Variants in SQOR observed in about 807,000 individuals in gnomAD.
SQOR encodes sulfide quinone oxidoreductase.
SQOR carries 39 observed loss-of-function variants against 48.6 expected under a neutral mutation model. That is an observed-to-expected ratio of 0.80 (90% CI 0.62 to 1.05). The LOEUF (loss-of-function observed/expected upper bound fraction) is 1.05. Among genes scored for constraint, SQOR ranks in the 50% least tolerant of loss-of-function variants. The probability of loss-of-function intolerance (pLI) is 0.00; values close to 1 mark genes in which losing one functional copy is unlikely to be tolerated. For missense variants in SQOR, 561 were observed against 559.9 expected, an observed-to-expected ratio of 1.00 and a Z score of -0.02; for synonymous variants, 220 against 206.2, an observed-to-expected ratio of 1.07 and a Z score of -0.57.
rs143395697 is a variant in SQOR at position 45,682,498 on chromosome 15, A to T, written c.885A>T (p.Thr295=). The change falls in exon 7 of 10, where the codon ACA becomes ACT. Residue 295 remains threonine (T), a synonymous_variant. Transcript: ENST00000260324. The part of the protein sequence containing the change: ...QVISYEMLHV[T]PPMSPPDVLK... Reference sequence around the variant, plus strand: ...TGTAGTATGAAATGCTTCATGTCACACCTCCAATGAGCCCACCAGATGTCC... The same window carrying T: ...TGTAGTATGAAATGCTTCATGTCACTCCTCCAATGAGCCCACCAGATGTCC... 14 of 1,614,078 alleles carry T rather than the reference A, an allele frequency of 8.7e-6. No homozygotes were observed. In the African/African-American group the frequency reaches 1.6e-4, roughly 18 times the overall value.
rs551364879 is a variant in SQOR, at chr15:45,659,038, G to A, written c.115G>A (p.Ala39Thr). 42 of 1,600,996 alleles carry A rather than the reference G, an allele frequency of 2.6e-5. 1 individual carries two copies. In the East Asian group the frequency reaches 9.5e-4, roughly 36 times the overall value. The part of the protein sequence containing the change: ...PLQLHTGASH[A>T]ARNHYEVLVL... Reference sequence around the variant, plus strand: ...TCAGCTGCACACCGGGGCCAGCCATGCGGCCAGGAACCATTATGAGGTGCT... The same window carrying A: ...TCAGCTGCACACCGGGGCCAGCCATACGGCCAGGAACCATTATGAGGTGCT... Residue 39 changes from alanine (A) to threonine (T), a missense_variant, in exon 2 of 10, where the codon GCG (alanine) becomes ACG (threonine). Coordinates refer to ENST00000260324, the MANE Select transcript of SQOR (RefSeq NM_021199.4).
At chr15:45,652,503 C>G (rs1014133450) in intron 1 of SQOR, among the ~76,000 whole-genome samples, 1 of 152,022 alleles carries the variant, frequency 6.6e-6, no homozygotes, top group African/African-American at 2.4e-5. Flanking sequence ...CCGGCAGGTC[C>G]GGCTACTTTT....
chr15:45,679,303 C>T (rs1890086411), intron 6 of SQOR, among the ~76,000 whole-genome samples: 1 of 152,152 alleles, frequency 6.6e-6, no homozygotes, highest in Non-Finnish European at 1.5e-5. Context: ...GATGCCTGGC[C>T]TCTTTATAAG....
chr15:45,651,273 C>A (rs1889482172), intron 1 of SQOR, among the ~76,000 whole-genome samples: 1 of 152,208 alleles, frequency 6.6e-6, no homozygotes, highest in African/African-American at 2.4e-5. Flanking sequence ...ACTGCCCGGG[C>A]CTGTGGCACC....
At position 45,669,663 on chromosome 15, in the gene SQOR, C is replaced by T. The variant is rs563124669; in HGVS notation, c.406-265C>T. On this transcript the variant is annotated intron_variant, in intron 3 of 9. Coordinates refer to ENST00000260324, the MANE Select transcript of SQOR (RefSeq NM_021199.4). ...GAAGCAGTGAGGTGTGAGGCATAGA[C>T]GGCAGAGGGCATGATGGGAGTGGAC... is the stretch of plus-strand genomic sequence containing the variant. 9.9e-5 allele frequency among the ~76,000 whole-genome samples: 15 copies of T among 152,262 alleles called. No homozygotes were observed. The East Asian group carries it at 1.7e-3, about 18-fold the overall frequency.
intron 1 of SQOR, among the ~76,000 whole-genome samples, chr15:45,638,460 C>T (rs905118869): frequency 2.6e-5 from 4 of 152,122 alleles, no homozygotes; most frequent in Admixed American, 1.3e-4. Flanking sequence ...CGGTGGCTCA[C>T]GCCTGTAATC....
At chr15:45,664,798 A>C (rs1045760533) in intron 3 of SQOR, among the ~76,000 whole-genome samples, 4 of 152,138 alleles carry the variant, frequency 2.6e-5, no homozygotes, top group African/African-American at 4.8e-5. Flanking sequence ...GCAGAAATGA[A>C]TATATATAAG....
In SQOR at chr15:45,658,835, C is replaced by T. The variant is rs926654184; in HGVS notation, c.-17-72C>T. On this transcript the variant is annotated intron_variant, in intron 1 of 9. Coordinates refer to ENST00000260324, the MANE Select transcript of SQOR (RefSeq NM_021199.4). Reference sequence around the variant, plus strand: ...GGCCAGATGCCGGCCTCCCTTCCTCCTGGAAAGAAAACGCTTCAGTCCCAC... The same window carrying T: ...GGCCAGATGCCGGCCTCCCTTCCTCTTGGAAAGAAAACGCTTCAGTCCCAC... 10 of 1,244,382 alleles carry T rather than the reference C, an allele frequency of 8.0e-6. No homozygotes were observed. In the Admixed American group the frequency reaches 2.2e-4, roughly 27 times the overall value. 77.1% of individuals were successfully genotyped at this position (1,244,382 alleles called of 1,614,324 possible). A position where few individuals can be genotyped will look rare whatever the true frequency, so the allele number is the denominator to read the frequency against.
chr15:45,642,506 G>T (rs34311210), intron 1 of SQOR, among the ~76,000 whole-genome samples: 13,679 of 152,172 alleles, frequency 0.09, 932 homozygotes, highest in Admixed American at 0.2. Flanking sequence ...CCTGCAGGTT[G>T]CTGCTTTGTG....
Position 45,676,214 on chromosome 15 carries a change from T to C in SQOR, c.768T>C (p.Thr256=). The C allele has an allele frequency of 6.2e-7, 1 of 1,614,114 alleles. No homozygotes were observed. Among genetic ancestry groups the C allele is most frequent in the Non-Finnish European group, 8.5e-7 (1 of 1,180,016 alleles). ...AGATCATCCAGGAGCGGAACCTCAC[T>C]GTTAACTACAAGAAAAACCTCATTG... ...LQEIIQERNL[T]VNYKKNLIEV... Residue 256 remains threonine, a synonymous_variant, in exon 6 of 10, where the codon ACT becomes ACC. Coordinates refer to ENST00000260324, the MANE Select transcript of SQOR (RefSeq NM_021199.4).
rs117966545 is a variant in SQOR at position 45,669,318 on chromosome 15, C to T, written c.406-610C>T. 3.0e-4 allele frequency among the ~76,000 whole-genome samples: 46 copies of T among 152,036 alleles called. No individual in the cohort carries two copies. In the East Asian group the frequency reaches 8.3e-3, roughly 28 times the overall value. ...CCTGGGGACTACAGGTGCATGCCAC[C>T]GCACCTAGGTAATTTTTGTATTTTT... On this transcript the variant is annotated intron_variant, in intron 3 of 9. Transcript: ENST00000260324.
intron 4 of SQOR, among the ~76,000 whole-genome samples, chr15:45,672,926 AAC>A (rs1458450940): frequency 6.8e-6 from 1 of 146,086 alleles, no homozygotes; most frequent in East Asian, 2.3e-4. Context: ...GGCTTGTTAA[AAC>A]ACAGATTGCT....
intron 3 of SQOR, among the ~76,000 whole-genome samples, chr15:45,663,517 A>G (rs1479923962): frequency 3.3e-5 from 5 of 152,202 alleles, no homozygotes; most frequent in South Asian, 4.1e-4. Flanking sequence ...TGTAATCCCA[A>G]CACCTTGGGA....
At chr15:45,655,558 T>C (rs1478196934) in intron 1 of SQOR, among the ~76,000 whole-genome samples, 1 of 152,114 alleles carries the variant, frequency 6.6e-6, no homozygotes, top group Non-Finnish European at 1.5e-5. Context: ...TTAAAGAAAA[T>C]TTGTGAAAAG....
intron 3 of SQOR, among the ~76,000 whole-genome samples, chr15:45,662,609 C>G (rs1889741682): frequency 6.6e-6 from 1 of 152,176 alleles, no homozygotes; most frequent in Non-Finnish European, 1.5e-5. Flanking sequence ...CATGCCAGCG[C>G]TAAGGAGAAT....
intron 6 of SQOR, among the ~76,000 whole-genome samples, chr15:45,682,027 A>T (rs1368856366): frequency 6.6e-6 from 1 of 152,196 alleles, no homozygotes; most frequent in Non-Finnish European, 1.5e-5. Context: ...CTCCTAACAT[A>T]TCCTTTACAA....
At chr15:45,682,060 C>A (rs937055523) in intron 6 of SQOR, among the ~76,000 whole-genome samples, 9 of 152,278 alleles carry the variant, frequency 5.9e-5, no homozygotes, top group African/African-American at 1.7e-4. Flanking sequence ...CTGAGCATCA[C>A]CTTACAGAAT....
At chr15:45,650,586 G>C (rs553436757) in intron 1 of SQOR, among the ~76,000 whole-genome samples, 25 of 152,178 alleles carry the variant, frequency 1.6e-4, no homozygotes, top group Admixed American at 2.0e-4. Flanking sequence ...GCCACCGCTC[G>C]CTCGGGCAGC....
At chr15:45,680,388 C>A (rs1890106816) in intron 6 of SQOR, among the ~76,000 whole-genome samples, 1 of 151,596 alleles carries the variant, frequency 6.6e-6, no homozygotes, top group African/African-American at 2.4e-5. Context: ...GCCACCACAC[C>A]TGGCCCAATG....
Sources: gnomAD v4.1 joint callset for allele counts (sites outside exome capture counted in the v4.1 genomes callset) on GRCh38, gnomAD v4.1.1 for gene constraint, MANE v1.5 for transcripts, NCBI Gene and HGNC (gene_info 2026-07-23, HGNC 2026-07-21) for gene names.